The following ROR2 variants were observed in gnomAD, a reference collection of about 807,000 sequenced individuals.
ROR2 encodes ROR family WNT receptor 2.
ROR2 carries 33 observed loss-of-function variants against 74.9 expected under a neutral mutation model. The ratio of observed to expected loss-of-function variants is 0.44; its 90% confidence interval spans 0.33 to 0.59. The LOEUF is 0.59. Among genes scored for constraint, ROR2 ranks in the 20% least tolerant of loss-of-function variants. The pLI, the probability that ROR2 is intolerant of heterozygous loss-of-function variation, is 0.02. For missense variants in ROR2, 1,216 were observed against 1,313.8 expected (o/e 0.93, Z 1.15); for synonymous variants, 586 against 558.7 (o/e 1.05, Z -0.69).
Position 91,870,352 on chromosome 9 carries a change from C to T in ROR2, c.97+79515G>A, listed in dbSNP as rs566789236. 7.2e-5 allele frequency among the ~76,000 whole-genome samples: 11 copies of T among 152,274 alleles called. No individual in the cohort carries two copies. The East Asian group carries it at 1.5e-3, about 21-fold the overall frequency. On this transcript the variant is annotated intron_variant, in intron 1 of 8. Coordinates refer to ENST00000375708, the MANE Select transcript of ROR2 (RefSeq NM_004560.4). ...TTAGAACCAAGGAAACTCCTTCGTACGGAGCAACAGCAGGGTACACACCGG... is the reference window on the plus strand; with the variant it reads ...TTAGAACCAAGGAAACTCCTTCGTATGGAGCAACAGCAGGGTACACACCGG...
At chr9:91,819,707 TTC>T (rs1277673074) in intron 1 of ROR2, among the ~76,000 whole-genome samples, 1 of 152,170 alleles carries the variant, frequency 6.6e-6, no homozygotes, top group Admixed American at 6.6e-5. Context: ...TTTCAGTGTG[TTC>T]TGTGTGTGTC....
chr9:91,900,777 T>G (rs1415628183), intron 1 of ROR2, among the ~76,000 whole-genome samples: 1 of 151,998 alleles, frequency 6.6e-6, no homozygotes, highest in Admixed American at 6.6e-5. Context: ...ACTTCACACC[T>G]CAATTCTGTG....
intron 1 of ROR2, among the ~76,000 whole-genome samples, chr9:91,891,552 A>T (rs1258204047): frequency 2.0e-5 from 3 of 152,086 alleles, no homozygotes; most frequent in African/African-American, 7.2e-5. Flanking sequence ...TACAGGCGTG[A>T]GCTACCGCAC....
intron 2 of ROR2, among the ~76,000 whole-genome samples, chr9:91,762,383 T>C (rs1825939929): frequency 6.6e-6 from 1 of 150,628 alleles, no homozygotes; most frequent in Non-Finnish European, 1.5e-5. Context: ...ACCATCTTCC[T>C]CAAATAACAA....
chr9:91,750,663 G>A (rs1051742825), intron 4 of ROR2, among the ~76,000 whole-genome samples: 1 of 152,210 alleles, frequency 6.6e-6, no homozygotes, highest in Admixed American at 6.5e-5. Flanking sequence ...AGAAGGCAGT[G>A]TAGTTTGGTT....
chr9:91,904,216 C>CT (rs2119441663), intron 1 of ROR2, among the ~76,000 whole-genome samples: 1 of 152,054 alleles, frequency 6.6e-6, no homozygotes, highest in Admixed American at 6.5e-5. Context: ...CCAGGTCATC[C>CT]TTTTTTAACC....
chr9:91,858,773 C>G (rs7045226), intron 1 of ROR2, among the ~76,000 whole-genome samples: 1 of 151,976 alleles, frequency 6.6e-6, no homozygotes, highest in Non-Finnish European at 1.5e-5. Flanking sequence ...TTCTAAGTCC[C>G]GACAAGAACC....
intron 1 of ROR2, among the ~76,000 whole-genome samples, chr9:91,894,340 G>C (rs1587828381): frequency 6.6e-6 from 1 of 152,284 alleles, no homozygotes; most frequent in Admixed American, 6.5e-5. Flanking sequence ...ATCATAACAT[G>C]TGTGTCTGCT....
intron 2 of ROR2, among the ~76,000 whole-genome samples, chr9:91,764,288 G>A (rs139577966): frequency 6.8e-4 from 103 of 152,140 alleles, no homozygotes; most frequent in African/African-American, 2.2e-3. Flanking sequence ...TCATTTTTAT[G>A]ATTCTGTATT....
chr9:91,880,016 T>C (rs553135863), intron 1 of ROR2, among the ~76,000 whole-genome samples: 13 of 152,256 alleles, frequency 8.5e-5, no homozygotes, highest in African/African-American at 2.9e-4. Context: ...ATCGGCTGAA[T>C]TGTGACCTCC....
chr9:91,772,937 G>A (rs186296871), intron 2 of ROR2, among the ~76,000 whole-genome samples: 8 of 152,316 alleles, frequency 5.3e-5, no homozygotes, highest in African/African-American at 1.7e-4. Context: ...AATGCCAGGA[G>A]CTTGCAGCAT....
chr9:91,723,821 T>G lies in ROR2; in HGVS notation c.2673A>C (p.Ser891=). 1 of 1,613,990 alleles carries G rather than the reference T, an allele frequency of 6.2e-7. No individual in the cohort carries two copies. Among genetic ancestry groups the G allele is most frequent in the Non-Finnish European group, 8.5e-7 (1 of 1,180,008 alleles). Residue 891 remains serine, a synonymous_variant, in exon 9 of 9, where the codon TCA becomes TCC. Transcript: ENST00000375708. ...TSMADRAALL[S]EGADDTQNAP... Reference sequence around the variant, plus strand: ...CGTTCTGTGTGTCATCAGCGCCCTCTGAGAGCAGGGCTGCCCTGTCTGCCA... The same window carrying G: ...CGTTCTGTGTGTCATCAGCGCCCTCGGAGAGCAGGGCTGCCCTGTCTGCCA...
At chr9:91,948,443 T>C (rs1178746825) in intron 1 of ROR2, among the ~76,000 whole-genome samples, 2 of 152,254 alleles carry the variant, frequency 1.3e-5, no homozygotes, top group East Asian at 3.8e-4. Flanking sequence ...TGTGGTCTAC[T>C]TATTTTATTG....
intron 4 of ROR2, among the ~76,000 whole-genome samples, chr9:91,751,885 A>G (rs150389948): frequency 4.3e-4 from 66 of 152,362 alleles, no homozygotes; most frequent in African/African-American, 1.3e-3. Context: ...TGCAACAAAA[A>G]TCAGAAAACA....
intron 1 of ROR2, among the ~76,000 whole-genome samples, chr9:91,856,892 A>G (rs1829308815): frequency 6.6e-6 from 1 of 152,196 alleles, no homozygotes; most frequent in Non-Finnish European, 1.5e-5. Context: ...TGCCAGGGGT[A>G]TTATTTTAAC....
intron 1 of ROR2, among the ~76,000 whole-genome samples, chr9:91,882,282 G>C (rs1830134189): frequency 6.6e-6 from 1 of 151,860 alleles, no homozygotes. Flanking sequence ...ATGGTGGCGG[G>C]TGCCTGTAAT....
At chr9:91,844,813 C>T (rs575198144) in intron 1 of ROR2, among the ~76,000 whole-genome samples, 1 of 152,236 alleles carries the variant, frequency 6.6e-6, no homozygotes, top group Admixed American at 6.5e-5. Flanking sequence ...TTCTATACTC[C>T]CCCACGGTAT....
In ROR2 at chr9:91,723,574, C is replaced by A; in HGVS notation, c.*88G>T. 1 of 1,546,042 alleles carries A rather than the reference C, an allele frequency of 6.5e-7. No individual in the cohort carries two copies. Among genetic ancestry groups the A allele is most frequent in the Admixed American group, 1.8e-5 (1 of 54,072 alleles). Reference sequence around the variant, plus strand: ...ACTGGCCGGCGGGCTCTTGTGATTGCTGAGTATGGTGTCTTCTCAAAGGTG... The same window carrying A: ...ACTGGCCGGCGGGCTCTTGTGATTGATGAGTATGGTGTCTTCTCAAAGGTG... On this transcript the variant is annotated 3_prime_UTR_variant, in exon 9 of 9. Transcript: ENST00000375708.
At position 91,829,549 on chromosome 9, in the gene ROR2, CAAAAAAAA is replaced by C. The variant is rs34687056; in HGVS notation, c.98-53739_98-53732del. ...TGGGTGACACAGCGAGACTCCGTCTCAAAAAAAAAAAAAAAAAAAAAAAAGCACACATC... is the reference window on the plus strand; with the variant it reads ...TGGGTGACACAGCGAGACTCCGTCTCAAAAAAAAAAAAAAAAGCACACATC... On this transcript the variant is annotated intron_variant, in intron 1 of 8. Coordinates refer to ENST00000375708, the MANE Select transcript of ROR2 (RefSeq NM_004560.4). Among the ~76,000 whole-genome samples the C allele has an allele frequency of 8.9e-3, 361 of 40,520 alleles. 10 individuals carry two copies. The highest frequency in any genetic ancestry group is 0.034 in the African/African-American group (350 of 10,202). 26.6% of individuals were successfully genotyped at this position (40,520 alleles called of 152,430 possible).
Sources: allele counts gnomAD v4.1 joint callset (sites outside exome capture counted in the v4.1 genomes callset), GRCh38; gene constraint gnomAD v4.1.1; transcripts MANE v1.5; gene names NCBI Gene and HGNC (gene_info 2026-07-23, HGNC 2026-07-21).